GLRA2: variants seen among roughly 807,000 people sequenced by gnomAD.
GLRA2 encodes the protein glycine receptor alpha 2, also known as glycine receptor subunit alpha-2.
GLRA2 carries 11 observed loss-of-function variants against 31.6 expected under a neutral mutation model. The ratio of observed to expected loss-of-function variants is 0.35; its 90% CI spans 0.22 to 0.58. The LOEUF (loss-of-function observed/expected upper bound fraction) is 0.58, where lower values mean the gene tolerates loss of function less well. GLRA2 is among the 20% of genes least tolerant of loss of function. GLRA2 has a pLI of 0.84. For synonymous variants in GLRA2, 132 were observed against 134.0 expected (o/e 0.99, Z 0.10); for missense variants, 212 against 351.8 (o/e 0.60, Z 3.18).
intron 4 of GLRA2, among the ~76,000 whole-genome samples, chrX:14,586,479 T>C (rs1441848902): frequency 8.9e-6 from 1 of 112,484 alleles, no homozygotes; most frequent in Non-Finnish European, 1.9e-5. Context: ...TTTTGATTTG[T>C]AAACCTTCTT....
rs1189258616 is a variant in GLRA2, at chrX:14,654,369, G to GTTTTAGACATAATGCTATGTCTAAAA, written c.931-36330_931-36305dup. On this transcript the variant is annotated intron_variant, in intron 7 of 8. Transcript: ENST00000218075. ...ACATAATGTTATTACATTGTGCTAT[G>GTTTTAGACATAATGCTATGTCTAAAA]TTTTAGACATAATGCTATGTCTAAA... Among the ~76,000 whole-genome samples, 407 of 111,996 alleles carry GTTTTAGACATAATGCTATGTCTAAAA rather than the reference G, an allele frequency of 3.6e-3. 1 individual carries two copies. The highest frequency in any genetic ancestry group is 0.013 in the African/African-American group (385 of 30,777).
At chrX:14,690,906 G>A in intron 8 of GLRA2, 47 bp downstream of exon 8, 1 of 1,160,254 alleles carries the variant, frequency 8.6e-7, no homozygotes, top group Non-Finnish European at 1.2e-6. Flanking sequence ...GAGTTGGTTA[G>A]CTAGGCAATG....
the GLRA2 span, among the ~76,000 whole-genome samples, chrX:14,509,752 A>T: frequency 1.8e-5 from 2 of 112,498 alleles, no homozygotes; most frequent in Admixed American, 9.4e-5. Context: ...CTCTTCCTGG[A>T]TTAGATGCTA....
intron 2 of GLRA2, 121 bp from the exon 3 acceptor site, chrX:14,574,212 T>C (rs2089922651): frequency 7.9e-6 from 4 of 504,459 alleles, no homozygotes; most frequent in Non-Finnish European, 1.4e-5. Context: ...GGTAAAACTT[T>C]TTTTTTGGCA....
intron 7 of GLRA2, among the ~76,000 whole-genome samples, chrX:14,622,627 T>C (rs1008237251): frequency 2.7e-5 from 3 of 112,167 alleles, no homozygotes; most frequent in African/African-American, 9.7e-5. Flanking sequence ...TCCCCATTTC[T>C]TGTTCTCGTT....
intron 7 of GLRA2, among the ~76,000 whole-genome samples, chrX:14,623,496 T>C (rs1434897629): frequency 9.0e-6 from 1 of 111,232 alleles, no homozygotes; most frequent in Admixed American, 9.6e-5. Flanking sequence ...TTGTCATAAA[T>C]AGCTCTTATT....
chrX:14,551,474 G>A lies in GLRA2; in HGVS notation c.202+19102G>A, dbSNP rs756493036. ...ATGTATTGGAACTAGATTGTAGATC[G>A]TGGGGTGGAGGTATGGTAAAGAACA... On this transcript the variant is annotated intron_variant, in intron 2 of 8. Coordinates refer to ENST00000218075, the MANE Select transcript of GLRA2 (RefSeq NM_002063.4). 2.2e-4 allele frequency among the ~76,000 whole-genome samples: 24 copies of A among 110,982 alleles called. No individual in the cohort carries two copies. In the East Asian group the frequency reaches 3.1e-3, roughly 14 times the overall value.
At chrX:14,458,461 T>G in the GLRA2 span, among the ~76,000 whole-genome samples, 1 of 112,241 alleles carries the variant, frequency 8.9e-6, no homozygotes, top group African/African-American at 3.2e-5. Flanking sequence ...ACTTCCACGA[T>G]GGTTGAACTA....
intron 2 of GLRA2, among the ~76,000 whole-genome samples, chrX:14,570,768 T>A (rs1455621230): frequency 8.9e-6 from 1 of 111,970 alleles, no homozygotes; most frequent in East Asian, 2.8e-4. Flanking sequence ...TGTAGCATAG[T>A]TATAATTTTA....
At chrX:14,708,518 T>C (rs965987115) in intron 8 of GLRA2, among the ~76,000 whole-genome samples, 3 of 111,745 alleles carry the variant, frequency 2.7e-5, no homozygotes, top group East Asian at 5.6e-4. Context: ...ACACGCCACC[T>C]GAGTATTATG....
At chrX:14,539,324 C>T (rs995556153) in intron 2 of GLRA2, among the ~76,000 whole-genome samples, 1 of 110,998 alleles carries the variant, frequency 9.0e-6, no homozygotes, top group African/African-American at 3.3e-5. Context: ...TTCTGGGCTC[C>T]CTTTGGAATT....
chrX:14,503,853 T>C, the GLRA2 span, among the ~76,000 whole-genome samples: 3 of 111,827 alleles, frequency 2.7e-5, no homozygotes, highest in African/African-American at 6.5e-5. Context: ...GCATCTTAAA[T>C]TTAAATTATT....
chrX:14,712,713 C>T (rs979933275), intron 8 of GLRA2, among the ~76,000 whole-genome samples: 2 of 110,018 alleles, frequency 1.8e-5, no homozygotes, highest in African/African-American at 6.6e-5. Flanking sequence ...AGGCAATAGT[C>T]AAAGGATGGG....
chrX:14,623,986 T>G lies in GLRA2; in HGVS notation c.930+14781T>G, dbSNP rs2090555759. ...TGTGAATCCATCTGGTCCTGGACTT[T>G]TTTTGGTTAGTAGGCTATCATTGCC... On this transcript the variant is annotated intron_variant, in intron 7 of 8. Transcript: ENST00000218075. Among the ~76,000 whole-genome samples the G allele has an allele frequency of 2.7e-5, 3 of 111,700 alleles. No homozygotes were observed. The South Asian group carries it at 1.1e-3, about 42-fold the overall frequency.
At chrX:14,712,036 TG>T (rs2091718124) in intron 8 of GLRA2, among the ~76,000 whole-genome samples, 1 of 113,042 alleles carries the variant, frequency 8.8e-6, no homozygotes, top group East Asian at 2.8e-4. Flanking sequence ...CATTTTGTCA[TG>T]TTATTATAGA....
intron 7 of GLRA2, 96 bp from the exon 8 acceptor site, chrX:14,690,614 C>A: frequency 1.7e-6 from 1 of 600,025 alleles, no homozygotes; most frequent in Non-Finnish European, 2.7e-6. Context: ...TTGCTGCTCA[C>A]ACCATTAAGA....
chrX:14,637,226 C>T (rs2090719661), intron 7 of GLRA2, among the ~76,000 whole-genome samples: 1 of 111,768 alleles, frequency 8.9e-6, no homozygotes, highest in African/African-American at 3.3e-5. Context: ...TAGCTTAGGT[C>T]CCCTGATCAC....
At position 14,594,812 on chromosome X, in the gene GLRA2, G is replaced by A. The variant is rs370510636; in HGVS notation, c.495-9503G>A. On this transcript the variant is annotated intron_variant, in intron 4 of 8. Coordinates refer to ENST00000218075, the MANE Select transcript of GLRA2 (RefSeq NM_002063.4). ...AGTGCATATGGGTATTTTTTATGAT[G>A]CCTTTATAATATTTGGTAAACATGG... Among the ~76,000 whole-genome samples the A allele has an allele frequency of 9.9e-5, 11 of 110,768 alleles. No individual in the cohort carries two copies. The East Asian group carries it at 1.1e-3, about 11-fold the overall frequency.
At chrX:14,551,194 G>T (rs1464776793) in intron 2 of GLRA2, among the ~76,000 whole-genome samples, 1 of 111,549 alleles carries the variant, frequency 9.0e-6, no homozygotes, top group Non-Finnish European at 1.9e-5. Context: ...GCATGAGTCT[G>T]CCCTCAGTGC....
Sources: allele counts gnomAD v4.1 joint callset (sites outside exome capture counted in the v4.1 genomes callset), GRCh38; gene constraint gnomAD v4.1.1; transcripts MANE v1.5; gene names NCBI Gene and HGNC (gene_info 2026-07-23, HGNC 2026-07-21).